Variants in DIS3L2 observed in about 807,000 individuals in gnomAD.
DIS3L2 encodes DIS3-like exonuclease 2.
In DIS3L2, 34 loss-of-function variants were observed where a neutral mutation model predicts 97.5. That is an observed-to-expected ratio of 0.35 (90% CI 0.27 to 0.46). The LOEUF (loss-of-function observed/expected upper bound fraction) is 0.46, where lower values mean the gene tolerates loss of function less well. Ranked by LOEUF, DIS3L2 falls within the 20% of genes least tolerant of loss-of-function variation. The pLI is 1.00. For synonymous variants in DIS3L2, 435 were observed against 445.2 expected, an observed-to-expected ratio of 0.98 and a Z score of 0.29; for missense variants, 1,038 against 1,146.0, an observed-to-expected ratio of 0.91 and a Z score of 1.36.
At chr2:232,033,261 C>T (rs1694860526) in intron 5 of DIS3L2, among the ~76,000 whole-genome samples, 1 of 152,046 alleles carries the variant, frequency 6.6e-6, no homozygotes, top group African/African-American at 2.4e-5. Context: ...GGAGTTTGCT[C>T]ATGATTTGGC....
rs1695502572 is a variant in DIS3L2 at position 232,054,896 on chromosome 2, G to A, written c.366+24816G>A. On this transcript the variant is annotated intron_variant, in intron 5 of 20. Transcript: ENST00000325385. ...ATTGAATCCATAGATATGTTGTAGG[G>A]ATAATAGATTATGAACAGGTAAGGT... Among the ~76,000 whole-genome samples the A allele has an allele frequency of 2.0e-5, 3 of 152,136 alleles. No individual in the cohort carries two copies. In the South Asian group the frequency reaches 6.2e-4, roughly 32 times the overall value.
At chr2:232,338,077 T>A (rs888368292), downstream of DIS3L2, among the ~76,000 whole-genome samples, 4 of 151,232 alleles carry the variant, frequency 2.6e-5, no homozygotes, top group African/African-American at 9.8e-5. Context: ...GGTGTTGGGG[T>A]GGAGAAGGCT....
chr2:232,167,269 A>C (rs2106167291), intron 9 of DIS3L2, among the ~76,000 whole-genome samples: 1 of 152,272 alleles, frequency 6.6e-6, no homozygotes, highest in African/African-American at 2.4e-5. Context: ...TTGATAGTCT[A>C]TTACGTACAT....
At chr2:231,970,420 C>CTATA (rs1220467021) in intron 1 of DIS3L2, among the ~76,000 whole-genome samples, 11 of 152,150 alleles carry the variant, frequency 7.2e-5, no homozygotes, top group Admixed American at 3.9e-4. Flanking sequence ...CACACCTAGG[C>CTATA]TATATGGTAA....
chr2:232,015,735 T>C, intron 3 of DIS3L2, 64 bp downstream of exon 3: 1 of 1,574,552 alleles, frequency 6.4e-7, no homozygotes, highest in Non-Finnish European at 8.6e-7. Flanking sequence ...TCTATTAAAC[T>C]GTTTCCTGTT....
intron 8 of DIS3L2, among the ~76,000 whole-genome samples, chr2:232,146,200 C>A: frequency 6.6e-6 from 1 of 152,092 alleles, no homozygotes; most frequent in Non-Finnish European, 1.5e-5. Flanking sequence ...TGCTCTAGAA[C>A]CCAGCAGTTC....
chr2:232,292,941 A>G lies in DIS3L2; in HGVS notation c.1660-7099A>G, dbSNP rs1694638593. On this transcript the variant is annotated intron_variant, in intron 13 of 20. Transcript: ENST00000325385. The surrounding 1 kb of genome is among the most constrained non-coding windows in gnomAD (Gnocchi z 4.4). Reference sequence around the variant, plus strand: ...CCCAGGGAAGCCTGTTCCTGGGGAAAGGATTGGGTAGTGGTGAGCTCTCCT... The same window carrying G: ...CCCAGGGAAGCCTGTTCCTGGGGAAGGGATTGGGTAGTGGTGAGCTCTCCT... Among the ~76,000 whole-genome samples the G allele has an allele frequency of 6.6e-6, 1 of 152,118 alleles. No individual in the cohort carries two copies. Among genetic ancestry groups the G allele is most frequent in the African/African-American group, 2.4e-5 (1 of 41,404 alleles).
chr2:232,060,091 A>C (rs1178815133), intron 5 of DIS3L2, among the ~76,000 whole-genome samples: 3 of 152,142 alleles, frequency 2.0e-5, no homozygotes, highest in African/African-American at 7.2e-5. Flanking sequence ...CCATCTGTAA[A>C]GGGATATCTG....
At chr2:232,061,206 A>G (rs1471646645) in intron 5 of DIS3L2, among the ~76,000 whole-genome samples, 4 of 152,212 alleles carry the variant, frequency 2.6e-5, no homozygotes, top group African/African-American at 9.6e-5. Flanking sequence ...AGATTTTAGC[A>G]GCTCATTTTG....
intron 12 of DIS3L2, among the ~76,000 whole-genome samples, chr2:232,257,281 C>T (rs1003480123): frequency 6.6e-6 from 1 of 152,158 alleles, no homozygotes; most frequent in African/African-American, 2.4e-5. Flanking sequence ...TGCCTCTGTC[C>T]TCTGCAGTTA....
chr2:232,282,658 C>T (rs1229871129), intron 13 of DIS3L2, among the ~76,000 whole-genome samples: 5 of 152,210 alleles, frequency 3.3e-5, no homozygotes, highest in Admixed American at 3.3e-4. Context: ...AGTAAGGCTG[C>T]GCTTTCAGGA....
rs887766330 is a variant in DIS3L2, at chr2:232,293,785, C to T, written c.1660-6255C>T. 6.6e-6 allele frequency among the ~76,000 whole-genome samples: 1 copy of T among 152,184 alleles called. No individual in the cohort carries two copies. Among genetic ancestry groups the T allele is most frequent in the African/African-American group, 2.4e-5 (1 of 41,444 alleles). On this transcript the variant is annotated intron_variant, in intron 13 of 20. Coordinates refer to ENST00000325385, the MANE Select transcript of DIS3L2 (RefSeq NM_152383.5). This position sits in a 1 kb window ranked among gnomAD's most constrained non-coding sequence, Gnocchi z 4.6. ...TGTGTTGAATTCACTTTCATATCTCCAAAAGCAGGAAGCCGTCAAAGGTAC... is the reference window on the plus strand; with the variant it reads ...TGTGTTGAATTCACTTTCATATCTCTAAAAGCAGGAAGCCGTCAAAGGTAC...
At chr2:232,181,743 A>T (rs1559709689) in intron 9 of DIS3L2, among the ~76,000 whole-genome samples, 2 of 151,894 alleles carry the variant, frequency 1.3e-5, no homozygotes, top group Non-Finnish European at 2.9e-5. Context: ...GGTTCAAGTG[A>T]TTCTCCTGTG....
chr2:232,108,424 G>T (rs150309876), intron 6 of DIS3L2, among the ~76,000 whole-genome samples: 1 of 152,256 alleles, frequency 6.6e-6, no homozygotes, highest in Non-Finnish European at 1.5e-5. Context: ...ATATCATACA[G>T]AATGGGCAAA....
chr2:232,240,166 A>G (rs553335352), intron 11 of DIS3L2, among the ~76,000 whole-genome samples: 8 of 152,214 alleles, frequency 5.3e-5, no homozygotes, highest in Admixed American at 1.3e-4. Context: ...CTACCTAGGA[A>G]GACCTGGCAC....
intron 5 of DIS3L2, among the ~76,000 whole-genome samples, chr2:232,053,562 T>C (rs769357792): frequency 6.6e-6 from 1 of 152,224 alleles, no homozygotes. Flanking sequence ...CAGTCCGGGC[T>C]GCCTGTACTT....
intron 12 of DIS3L2, among the ~76,000 whole-genome samples, chr2:232,257,626 G>A (rs376221063): frequency 6.6e-5 from 10 of 152,180 alleles, no homozygotes; most frequent in South Asian, 4.1e-4. Flanking sequence ...CTGCAAAAGT[G>A]ATTTTGTACC....
intron 9 of DIS3L2, among the ~76,000 whole-genome samples, chr2:232,197,276 T>G (rs754349311): frequency 3.9e-5 from 6 of 152,236 alleles, no homozygotes; most frequent in Non-Finnish European, 8.8e-5. Context: ...CATATTAAAA[T>G]TTGGTTACAA....
chr2:231,965,837 C>G (rs1372315104), intron 1 of DIS3L2, among the ~76,000 whole-genome samples: 1 of 152,164 alleles, frequency 6.6e-6, no homozygotes, highest in East Asian at 1.9e-4. Context: ...AAAGCAGACC[C>G]TCTGATGCCA....
Sources: allele counts gnomAD v4.1 joint callset (sites outside exome capture counted in the v4.1 genomes callset), GRCh38; gene constraint gnomAD v4.1.1; non-coding constraint Gnocchi (gnomAD v3.1); transcripts MANE v1.5; gene names NCBI Gene and HGNC (gene_info 2026-07-23, HGNC 2026-07-21).